Variants in ODAD2 observed in about 807,000 individuals in gnomAD.
The protein encoded by ODAD2 is outer dynein arm docking complex subunit 2.
In ODAD2, 89 loss-of-function variants were observed where a neutral mutation model predicts 106.8. That is an observed-to-expected ratio of 0.83 (90% confidence interval 0.70 to 0.99). The LOEUF is 0.99. ODAD2 is among the 50% of genes least tolerant of loss of function. The probability of loss-of-function intolerance (pLI) is 0.00; values close to 1 mark genes in which losing one functional copy is unlikely to be tolerated. For synonymous variants in ODAD2, 404 were observed against 436.2 expected (o/e 0.93, Z 0.92); for missense variants, 1,168 against 1,238.5 (o/e 0.94, Z 0.85).
At chr10:27,822,110 T>G (rs12264704) in intron 19 of ODAD2, among the ~76,000 whole-genome samples, 7,532 of 152,294 alleles carry the variant, frequency 0.049, 262 homozygotes, top group African/African-American at 0.1. Context: ...TGTAAAAGGC[T>G]TTGATCTTAA....
At chr10:27,952,969 G>A (rs7896625) in intron 10 of ODAD2, among the ~76,000 whole-genome samples, 24,059 of 151,902 alleles carry the variant, frequency 0.16, 2,827 homozygotes, top group African/African-American at 0.33. Context: ...TGCATATATT[G>A]TTTTTCTCTT....
rs777992152 is a variant in ODAD2 at position 27,984,275 on chromosome 10, A to C, written c.591T>G (p.Ser197Arg). The change falls in exon 5 of 20, where the codon AGT becomes AGG. Residue 197 changes from serine to arginine, a missense_variant. Transcript: ENST00000305242. ...LKHISLEISLSPMTVKKDIEL... is the reference protein window; with the variant it reads ...LKHISLEISLRPMTVKKDIEL... ...CTATATCCTTCTTCACCGTCATGGG[A>C]CTTAAACTTATTTCTCTGAAATAAA... 2 of 1,610,948 alleles carry C rather than the reference A, an allele frequency of 1.2e-6. No individual in the cohort carries two copies. Among genetic ancestry groups the C allele is most frequent in the Admixed American group, 3.3e-5 (2 of 59,842 alleles).
Position 27,940,565 on chromosome 10 carries a change from C to A in ODAD2, c.1984G>T (p.Glu662Ter). ...VVGTLQECASEENYRAAIKAE... is the reference protein window; with the variant it reads ...VVGTLQECAS ...GGAAGCAGAACTGGCATGAGTACCTCTGATGCACACTCTTGCAATGTCCCC... is the reference window on the plus strand; with the variant it reads ...GGAAGCAGAACTGGCATGAGTACCTATGATGCACACTCTTGCAATGTCCCC... Residue 662 changes from glutamate to a stop codon, truncating the protein, a stop_gained and splice_region_variant, in exon 13 of 20, where the codon GAG (glutamate) becomes TAG (stop). Transcript: ENST00000305242. LOFTEE classifies it high-confidence loss of function. 2 of 1,613,988 alleles carry A rather than the reference C, an allele frequency of 1.2e-6. No homozygotes were observed. Among genetic ancestry groups the A allele is most frequent in the Admixed American group, 1.7e-5 (1 of 60,008 alleles).
At chr10:27,967,645 C>A (rs1848568607) in intron 9 of ODAD2, among the ~76,000 whole-genome samples, 1 of 152,052 alleles carries the variant, frequency 6.6e-6, no homozygotes, top group South Asian at 2.1e-4. Context: ...AATCCCAGCA[C>A]TTTGGGAGGC....
At chr10:27,937,320 TTTTC>T (rs978064478) in intron 14 of ODAD2, among the ~76,000 whole-genome samples, 10 of 151,222 alleles carry the variant, frequency 6.6e-5, no homozygotes, top group African/African-American at 2.4e-4. Flanking sequence ...TATTTTCTTT[TTTTC>T]TTTCTTTCTT....
intron 17 of ODAD2, among the ~76,000 whole-genome samples, chr10:27,875,888 A>C (rs1589889109): frequency 6.6e-6 from 1 of 152,212 alleles, no homozygotes; most frequent in African/African-American, 2.4e-5. Context: ...ACAGCACACC[A>C]GGAGATTATA....
chr10:27,903,607 G>C (rs1843368565), intron 17 of ODAD2, among the ~76,000 whole-genome samples: 1 of 152,120 alleles, frequency 6.6e-6, no homozygotes, highest in Admixed American at 6.5e-5. Flanking sequence ...AAAGTCTCAG[G>C]ATACAAAATC....
At chr10:27,899,656 G>A (rs1193338772) in intron 17 of ODAD2, among the ~76,000 whole-genome samples, 1 of 152,166 alleles carries the variant, frequency 6.6e-6, no homozygotes, top group East Asian at 1.9e-4. Context: ...ACTGAGGCTT[G>A]AGTAGGTGGT....
chr10:27,826,770 T>C (rs538118412), intron 19 of ODAD2, among the ~76,000 whole-genome samples: 43 of 152,156 alleles, frequency 2.8e-4, no homozygotes, highest in Non-Finnish European at 5.7e-4. Flanking sequence ...TCTTTCACCC[T>C]CCTTCCTGCT....
chr10:27,940,938 G>T, intron 12 of ODAD2, 133 bp from the exon 13 acceptor site: 1 of 944,682 alleles, frequency 1.1e-6, no homozygotes, highest in Non-Finnish European at 1.5e-6. Context: ...ATCACTTTTC[G>T]TACTCCATAG....
At chr10:27,965,424 A>C (rs1023882079) in intron 9 of ODAD2, among the ~76,000 whole-genome samples, 5 of 150,880 alleles carry the variant, frequency 3.3e-5, no homozygotes, top group African/African-American at 1.2e-4. Flanking sequence ...GATATAAGAA[A>C]ATTCATTTCC....
At chr10:27,853,141 G>A (rs1716701285) in intron 19 of ODAD2, 1 of 156,200 alleles carries the variant, frequency 6.4e-6, no homozygotes. Flanking sequence ...GGCCGAGGCC[G>A]GCAGATCACG....
chr10:27,868,718 A>G (rs1254937895), intron 17 of ODAD2, among the ~76,000 whole-genome samples: 1 of 152,140 alleles, frequency 6.6e-6, no homozygotes, highest in Non-Finnish European at 1.5e-5. Flanking sequence ...ATAAATAACT[A>G]AGGCATGCAG....
rs1564465118 is a variant in ODAD2, at chr10:27,885,528, A to AT, written c.2610+22134_2610+22135insA. On this transcript the variant is annotated intron_variant, in intron 17 of 19. Transcript: ENST00000305242. The stretch of plus-strand genomic sequence containing the variant: ...CCATCTCAAAAAAAAAAAAAAAAAA[A>AT]AAAAAATATATATATATATAAATAT... 4.1e-3 allele frequency among the ~76,000 whole-genome samples: 47 copies of AT among 11,406 alleles called. 3 individuals are homozygous for AT. The highest frequency in any genetic ancestry group is 8.1e-3 in the African/African-American group (32 of 3,970). 7.5% of individuals were successfully genotyped at this position (11,406 alleles called of 152,430 possible).
At chr10:27,860,579 T>G (rs1455091123) in intron 19 of ODAD2, 46 bp downstream of exon 19, 1 of 1,573,238 alleles carries the variant, frequency 6.4e-7, no homozygotes, top group East Asian at 2.2e-5. Context: ...CTTTCCAGGC[T>G]ACATTTACCA....
chr10:27,995,959 G>A (rs1421430594), intron 1 of ODAD2, among the ~76,000 whole-genome samples: 1 of 152,164 alleles, frequency 6.6e-6, no homozygotes, highest in Non-Finnish European at 1.5e-5. Context: ...ATCTAAATTA[G>A]TTATCAGAAG....
chr10:27,956,543 T>C (rs906143352), intron 10 of ODAD2, among the ~76,000 whole-genome samples: 4 of 152,172 alleles, frequency 2.6e-5, no homozygotes, highest in East Asian at 1.9e-4. Context: ...GGGCATCTTA[T>C]CCTGTAGTGA....
At chr10:27,843,773 A>T (rs1838492107) in intron 19 of ODAD2, among the ~76,000 whole-genome samples, 2 of 152,316 alleles carry the variant, frequency 1.3e-5, no homozygotes, top group Non-Finnish European at 2.9e-5. Flanking sequence ...TCTCAAAAAA[A>T]AACAAAACAA....
In ODAD2 at chr10:27,862,560, T is replaced by A. The variant is rs1229331932; in HGVS notation, c.2673A>T (p.Lys891Asn). Residue 891 changes from lysine to asparagine, a missense_variant, in exon 18 of 20, where the codon AAA becomes AAT. Coordinates refer to ENST00000305242, the MANE Select transcript of ODAD2 (RefSeq NM_018076.5). ...GGLELIVNLL[K>N]SDNKEVLASV... is the part of the protein sequence containing the mutation. ...TTGCCAGAACTTCTTTGTTATCTGA[T>A]TTCAGTAAATTGACAATAAGTTCCA... 6.2e-7 allele frequency: 1 copy of A among 1,611,440 alleles called. No homozygotes were observed. Among genetic ancestry groups the A allele is most frequent in the African/African-American group, 1.3e-5 (1 of 74,824 alleles).
Sources: gnomAD v4.1 joint callset for allele counts (sites outside exome capture counted in the v4.1 genomes callset) on GRCh38, gnomAD v4.1.1 for gene constraint, MANE v1.5 for transcripts, NCBI Gene and HGNC (gene_info 2026-07-23, HGNC 2026-07-21) for gene names.